The following UNC13A variants were observed in gnomAD, a reference collection of about 807,000 sequenced individuals.
UNC13A encodes the protein protein unc-13 homolog A.
Under a neutral mutation model 219.7 loss-of-function variants are expected in UNC13A, and 61 were observed. The observed-to-expected ratio is 0.28, with a 90% CI of 0.23 to 0.34. The LOEUF is 0.34. Ranked by LOEUF, UNC13A falls within the 10% of genes least tolerant of loss-of-function variation. The pLI, the probability that UNC13A is intolerant of heterozygous loss-of-function variation, is 1.00. For missense variants in UNC13A, 1,476 were observed against 2,270.3 expected (o/e 0.65, Z 7.11); for synonymous variants, 920 against 884.6 (o/e 1.04, Z -0.71).
chr19:17,624,756 T>C, intron 35 of UNC13A, 73 bp downstream of exon 35: 1 of 1,535,500 alleles, frequency 6.5e-7, no homozygotes, highest in Non-Finnish European at 8.8e-7. Context: ...CCCCAGCCTC[T>C]AGGCACCAAG....
chr19:17,685,338 G>A (rs1033970319), intron 1 of UNC13A, among the ~76,000 whole-genome samples: 3 of 151,926 alleles, frequency 2.0e-5, no homozygotes, highest in East Asian at 1.9e-4. Flanking sequence ...CTACAGGTGC[G>A]CGCCACCACA....
At chr19:17,678,673 G>A (rs1157026256) in intron 1 of UNC13A, among the ~76,000 whole-genome samples, 1 of 152,042 alleles carries the variant, frequency 6.6e-6, no homozygotes, top group Non-Finnish European at 1.5e-5. Flanking sequence ...ACTGAAAGAG[G>A]CTCAGGAACA....
chr19:17,652,185 G>A (rs2079361568), intron 12 of UNC13A, among the ~76,000 whole-genome samples: 1 of 152,110 alleles, frequency 6.6e-6, no homozygotes. Context: ...AGGCTGGAGT[G>A]CAGTGGTGCA....
At chr19:17,663,659 C>T in intron 7 of UNC13A, 92 bp from the exon 8 acceptor site, 1 of 1,344,556 alleles carries the variant, frequency 7.4e-7, no homozygotes, top group East Asian at 2.5e-5. Flanking sequence ...CTCTCCCCAA[C>T]TGCTCCCCCC....
At chr19:17,619,062 G>T (rs1023891377) in intron 38 of UNC13A, 100 bp from the exon 39 acceptor site, 3 of 1,108,878 alleles carry the variant, frequency 2.7e-6, no homozygotes, top group South Asian at 1.3e-5. Flanking sequence ...CTCTGGGCAG[G>T]GCAATAATTG....
chr19:17,684,775 A>G (rs2145936783), intron 1 of UNC13A, among the ~76,000 whole-genome samples: 1 of 152,322 alleles, frequency 6.6e-6, no homozygotes, highest in African/African-American at 2.4e-5. Context: ...ATGAGTGTGC[A>G]TGTGTGCAGA....
At chr19:17,652,818 C>A (rs773049113) in intron 11 of UNC13A, 141 bp from the exon 12 acceptor site, 8 of 856,442 alleles carry the variant, frequency 9.3e-6, no homozygotes, top group Non-Finnish European at 1.5e-5. Context: ...TTTTAGGAAG[C>A]TCCGTGGCTA....
intron 1 of UNC13A, among the ~76,000 whole-genome samples, chr19:17,684,916 A>G (rs2080081508): frequency 1.3e-5 from 2 of 152,070 alleles, no homozygotes. Flanking sequence ...ACACATATTG[A>G]TGTTTGCATG....
In UNC13A at chr19:17,688,169, G is replaced by A. The variant is rs1189010758; in HGVS notation, c.22+9C>T. On this transcript the variant is annotated intron_variant, in intron 1 of 43. Transcript: ENST00000519716. ...CACGGGTCCCCCGACCCCCAGCCTC[G>A]CCTCCTACCTCCAACGCAAAGCAGA... The A allele has an allele frequency of 2.6e-6, 4 of 1,528,266 alleles. No individual in the cohort carries two copies. The highest frequency in any genetic ancestry group is 2.0e-5 in the Admixed American group (1 of 49,240). 94.7% of individuals were successfully genotyped at this position (1,528,266 alleles called of 1,614,324 possible).
chr19:17,649,340 A>G lies in UNC13A; in HGVS notation c.1523T>C (p.Met508Thr). Reference sequence around the variant, plus strand: ...GAGGCCCATGTCGCCATCACTCACCATGGCCTGAAGTGTCCACGCAGCACA... The same window carrying G: ...GAGGCCCATGTCGCCATCACTCACCGTGGCCTGAAGTGTCCACGCAGCACA... ...KPIPLVSDLA[M>T]SLVQSRKAGI... Residue 508 changes from methionine to threonine, a missense_variant and splice_region_variant, in exon 14 of 44, where the codon ATG (methionine) becomes ACG (threonine). Physicochemically the swap from Met to Thr is moderately conservative, Grantham distance 81. Transcript: ENST00000519716. This position sits in a 1 kb window ranked among gnomAD's most constrained non-coding sequence, Gnocchi z 4.4. The G allele has an allele frequency of 4.4e-6, 7 of 1,591,276 alleles. No individual in the cohort carries two copies.
At chr19:17,688,097 C>A (rs1002773319) in intron 1 of UNC13A, 81 bp downstream of exon 1, 22 of 1,478,990 alleles carry the variant, frequency 1.5e-5, no homozygotes, top group Non-Finnish European at 1.9e-5. Context: ...CCCCAGGAAC[C>A]CCCTGGGAGC....
At chr19:17,645,918 C>A in intron 18 of UNC13A, 52 bp downstream of exon 18, 9 of 1,600,332 alleles carry the variant, frequency 5.6e-6, no homozygotes, top group Non-Finnish European at 7.7e-6. Flanking sequence ...CCTCTTTTGG[C>A]TGCCCCAGCA....
At chr19:17,669,951 T>TTC (rs1491058985) in intron 4 of UNC13A, among the ~76,000 whole-genome samples, 3 of 4,982 alleles carry the variant, frequency 6.0e-4, no homozygotes, top group African/African-American at 1.8e-3. Context: ...TTCTTTTCTT[T>TTC]TTTTTTTTTT....
intron 3 of UNC13A, 73 bp from the exon 4 acceptor site, chr19:17,672,568 C>A: frequency 8.5e-7 from 1 of 1,171,508 alleles, no homozygotes; most frequent in Non-Finnish European, 1.2e-6. Flanking sequence ...TTAGTTGATT[C>A]GCCTGAGAAC....
intron 36 of UNC13A, 89 bp downstream of exon 36, chr19:17,623,452 TG>T (rs2076750216): frequency 1.3e-6 from 1 of 794,950 alleles, no homozygotes; most frequent in Non-Finnish European, 1.8e-6. Context: ...GGGCGCTGGG[TG>T]GGTGGGGAGA....
At chr19:17,659,956 C>G (rs1016139954) in intron 8 of UNC13A, among the ~76,000 whole-genome samples, 1 of 152,174 alleles carries the variant, frequency 6.6e-6, no homozygotes, top group Non-Finnish European at 1.5e-5. Context: ...AGCGCAGTGG[C>G]GCGATCAAAA....
chr19:17,609,808 C>T (rs2144918019), intron 43 of UNC13A, 132 bp downstream of exon 43: 2 of 1,302,424 alleles, frequency 1.5e-6, no homozygotes, highest in Non-Finnish European at 1.1e-6. Flanking sequence ...TTTCCAGCAC[C>T]CCCACCTAGA....
intron 43 of UNC13A, among the ~76,000 whole-genome samples, chr19:17,609,560 G>A (rs1331758368): frequency 6.7e-6 from 1 of 149,638 alleles, no homozygotes; most frequent in South Asian, 2.1e-4. Context: ...TCAGCCCCCC[G>A]CTCATAAGCG....
rs1025257208 is a variant in UNC13A at position 17,656,157 on chromosome 19, G to GCTC, written c.1006_1008dup (p.Glu336dup). On this transcript the variant is annotated inframe_insertion, in exon 10 of 44. Coordinates refer to ENST00000519716, the MANE Select transcript of UNC13A (RefSeq NM_001080421.3). ...TCCAGCTCCTCCTCATCTTCAGGCA[G>GCTC]CTCCTCCTCCTCCAGGAAGTCCTCC... 3 of 1,551,804 alleles carry GCTC rather than the reference G, an allele frequency of 1.9e-6. No individual in the cohort carries two copies. The African/African-American group carries it at 4.1e-5, about 21-fold the overall frequency.
Sources: allele counts gnomAD v4.1 joint callset (sites outside exome capture counted in the v4.1 genomes callset), GRCh38; gene constraint gnomAD v4.1.1; non-coding constraint Gnocchi (gnomAD v3.1); transcripts MANE v1.5; gene names NCBI Gene and HGNC (gene_info 2026-07-23, HGNC 2026-07-21).